Variants in DCC observed in about 807,000 individuals in gnomAD.
The protein encoded by DCC is netrin receptor DCC.
DCC carries 58 observed loss-of-function variants against 172.5 expected under a neutral mutation model. The observed-to-expected ratio is 0.34, with a 90% confidence interval of 0.27 to 0.42. DCC has a LOEUF of 0.42. Among genes scored for constraint, DCC ranks in the 10% least tolerant of loss-of-function variants. DCC has a pLI of 1.00. For missense variants in DCC, 1,740 were observed against 1,791.0 expected, an observed-to-expected ratio of 0.97 and a Z score of 0.51; for synonymous variants, 709 against 644.5, an observed-to-expected ratio of 1.10 and a Z score of -1.52.
In DCC at chr18:53,214,226, C is replaced by T. The variant is rs181119129; in HGVS notation, c.1862-1322C>T. Reference sequence around the variant, plus strand: ...CAGATGAGCATTTTGTCAGAAACTACACTGGCTGCAACCTTCATCAGGCAC... The same window carrying T: ...CAGATGAGCATTTTGTCAGAAACTATACTGGCTGCAACCTTCATCAGGCAC... On this transcript the variant is annotated intron_variant, in intron 11 of 28. Transcript: ENST00000442544. Among the ~76,000 whole-genome samples the T allele has an allele frequency of 2.5e-3, 380 of 152,040 alleles. 2 individuals are homozygous for T. The highest frequency in any genetic ancestry group is 7.7e-3 in the African/African-American group (321 of 41,506).
At chr18:52,433,969 G>A (rs575891547) in intron 1 of DCC, among the ~76,000 whole-genome samples, 1 of 152,262 alleles carries the variant, frequency 6.6e-6, no homozygotes, top group African/African-American at 2.4e-5. Context: ...AATCACACAT[G>A]TAGGTCCAAG....
At chr18:52,634,866 A>G (rs989037589) in intron 1 of DCC, among the ~76,000 whole-genome samples, 2 of 152,128 alleles carry the variant, frequency 1.3e-5, no homozygotes, top group Non-Finnish European at 2.9e-5. Flanking sequence ...AATCCCTAGT[A>G]TAGGGAAACT....
At position 52,586,100 on chromosome 18, in the gene DCC, A is replaced by C. The variant is rs199678926; in HGVS notation, c.92-165954A>C. On this transcript the variant is annotated intron_variant, in intron 1 of 28. Coordinates refer to ENST00000442544, the MANE Select transcript of DCC (RefSeq NM_005215.4). Reference sequence around the variant, plus strand: ...TCCGTCTCAAAAAAAAAAAAAAAAAAAAAAAAAACAAAAACACTGTCACAC... The same window carrying C: ...TCCGTCTCAAAAAAAAAAAAAAAAACAAAAAAAACAAAAACACTGTCACAC... Among the ~76,000 whole-genome samples, 375 of 151,222 alleles carry C rather than the reference A, an allele frequency of 2.5e-3. 19 individuals are homozygous for C. In the East Asian group the frequency reaches 0.063, roughly 25 times the overall value.
At chr18:53,200,450 A>G (rs2055519093) in intron 9 of DCC, among the ~76,000 whole-genome samples, 1 of 152,314 alleles carries the variant, frequency 6.6e-6, no homozygotes, top group African/African-American at 2.4e-5. Context: ...CTGACATTTA[A>G]TGAGTCCCTT....
At chr18:53,529,047 C>CAA (rs1410147074) in intron 28 of DCC, among the ~76,000 whole-genome samples, 3 of 84,790 alleles carry the variant, frequency 3.5e-5, no homozygotes, top group Non-Finnish European at 5.2e-5. Flanking sequence ...CTCACACACA[C>CAA]ACACACACAC....
chr18:53,129,921 G>GTAGT (rs2043625935), intron 7 of DCC, among the ~76,000 whole-genome samples: 1 of 152,068 alleles, frequency 6.6e-6, no homozygotes, highest in African/African-American at 2.4e-5. Context: ...AAACCCTAGA[G>GTAGT]TAGTTCTACA....
At chr18:53,178,520 A>T (rs984593333) in intron 8 of DCC, among the ~76,000 whole-genome samples, 2 of 152,236 alleles carry the variant, frequency 1.3e-5, no homozygotes, top group African/African-American at 4.8e-5. Context: ...GAGAAAATGC[A>T]TAAATGCATT....
chr18:52,776,365 TAAG>T (rs2037432721), intron 2 of DCC, among the ~76,000 whole-genome samples: 1 of 151,118 alleles, frequency 6.6e-6, no homozygotes, highest in Non-Finnish European at 1.5e-5. Context: ...TTAGGTTTGT[TAAG>T]AACTTAGATA....
chr18:53,351,331 T>TATACAC (rs1296797643), intron 15 of DCC, among the ~76,000 whole-genome samples: 1 of 47,696 alleles, frequency 2.1e-5, no homozygotes, highest in East Asian at 5.6e-4. Flanking sequence ...TATATATATA[T>TATACAC]ACAGTGTATA....
intron 2 of DCC, among the ~76,000 whole-genome samples, chr18:52,755,493 A>G (rs1229616667): frequency 1.3e-5 from 2 of 152,230 alleles, no homozygotes; most frequent in Non-Finnish European, 2.9e-5. Context: ...TTTCAAGGCA[A>G]TAAGGCTGTT....
chr18:52,531,304 G>T (rs56228119), intron 1 of DCC, among the ~76,000 whole-genome samples: 3,045 of 152,250 alleles, frequency 0.02, 108 homozygotes, highest in East Asian at 0.095. Context: ...TGCAGCATTT[G>T]CTTGGCTCCA....
At chr18:53,010,911 ATT>A (rs2143877703) in intron 5 of DCC, among the ~76,000 whole-genome samples, 1 of 151,384 alleles carries the variant, frequency 6.6e-6, no homozygotes, top group Non-Finnish European at 1.5e-5. Context: ...AAATGTGAAT[ATT>A]TTATCATAAT....
In DCC at chr18:52,538,463, A is replaced by T. The variant is rs550418504; in HGVS notation, c.91+197585A>T. ...ACTAATATCTATAAACTCTTTCCTG[A>T]TGTACCCTGTTCAAACTTTATTTCT... is the stretch of plus-strand genomic sequence containing the variant. On this transcript the variant is annotated intron_variant, in intron 1 of 28. Transcript: ENST00000442544. Among the ~76,000 whole-genome samples the T allele has an allele frequency of 7.9e-4, 120 of 152,304 alleles. 1 individual carries two copies. The highest frequency in any genetic ancestry group is 2.1e-3 in the African/African-American group (88 of 41,562).
rs557153753 is a variant in DCC, at chr18:53,252,736, C to T, written c.1911+37139C>T. 7.9e-5 allele frequency among the ~76,000 whole-genome samples: 12 copies of T among 151,926 alleles called. No homozygotes were observed. The East Asian group carries it at 1.4e-3, about 17-fold the overall frequency. ...GATGTTGACTTGTCTATCTGGAGAG[C>T]GGAGCACATAAAAGACCCAATTATT... On this transcript the variant is annotated intron_variant, in intron 12 of 28. Coordinates refer to ENST00000442544, the MANE Select transcript of DCC (RefSeq NM_005215.4).
chr18:53,268,697 T>A (rs1285625056), intron 12 of DCC, among the ~76,000 whole-genome samples: 29 of 152,170 alleles, frequency 1.9e-4, no homozygotes, highest in Non-Finnish European at 1.5e-5. Context: ...TATGGAGGAA[T>A]CGTGGTGCTG....
intron 1 of DCC, among the ~76,000 whole-genome samples, chr18:52,574,815 A>G (rs12970795): frequency 0.13 from 20,501 of 152,162 alleles, 1,445 homozygotes; most frequent in South Asian, 0.2. Context: ...TCATGCATCA[A>G]CTAGTAACAA....
chr18:53,149,940 C>CTG lies in DCC; in HGVS notation c.1262-7415_1262-7414dup, dbSNP rs546870310. Among the ~76,000 whole-genome samples the CTG allele has an allele frequency of 5.3e-5, 8 of 152,310 alleles. No homozygotes were observed. The South Asian group carries it at 1.7e-3, about 32-fold the overall frequency. On this transcript the variant is annotated intron_variant, in intron 7 of 28. Coordinates refer to ENST00000442544, the MANE Select transcript of DCC (RefSeq NM_005215.4). ...CTATAACAGACCCGTAGGTCCCCTT[C>CTG]TGGATACAAGGTCAGCCCAAACCAA...
intron 1 of DCC, among the ~76,000 whole-genome samples, chr18:52,413,072 C>A (rs935565759): frequency 2.0e-5 from 3 of 151,670 alleles, no homozygotes; most frequent in East Asian, 3.9e-4. Context: ...CTTCAGTAGG[C>A]CTTAGCAAGG....
At chr18:52,597,002 A>G (rs564642523) in intron 1 of DCC, among the ~76,000 whole-genome samples, 12 of 151,922 alleles carry the variant, frequency 7.9e-5, no homozygotes, top group Non-Finnish European at 1.6e-4. Flanking sequence ...CTTCCTTTGC[A>G]TAGGGGCTTT....
Sources: allele counts gnomAD v4.1 joint callset (sites outside exome capture counted in the v4.1 genomes callset), GRCh38; gene constraint gnomAD v4.1.1; transcripts MANE v1.5; gene names NCBI Gene and HGNC (gene_info 2026-07-23, HGNC 2026-07-21).